Variants in CDCP1 observed in about 807,000 individuals in gnomAD.
CDCP1 encodes the protein CUB domain-containing protein 1.
CDCP1 carries 29 observed loss-of-function variants against 60.2 expected under a neutral mutation model. The observed-to-expected ratio is 0.48, with a 90% CI of 0.36 to 0.66. The LOEUF (loss-of-function observed/expected upper bound fraction) is 0.66, where lower values mean the gene tolerates loss of function less well. CDCP1 is among the 30% of genes least tolerant of loss of function. The pLI, the probability that CDCP1 is intolerant of heterozygous loss-of-function variation, is 0.00. For missense variants in CDCP1, 876 were observed against 1,074.3 expected, an observed-to-expected ratio of 0.82 and a Z score of 2.58; for synonymous variants, 387 against 431.1, an observed-to-expected ratio of 0.90 and a Z score of 1.27.
intron 4 of CDCP1, among the ~76,000 whole-genome samples, chr3:45,109,305 G>C (rs1698647933): frequency 6.6e-6 from 1 of 151,898 alleles, no homozygotes; most frequent in African/African-American, 2.4e-5. Flanking sequence ...CGTTTCCAGG[G>C]CAGCACCAGT....
intron 1 of CDCP1, among the ~76,000 whole-genome samples, chr3:45,121,217 G>A (rs897622520): frequency 1.3e-5 from 2 of 152,196 alleles, no homozygotes; most frequent in African/African-American, 4.8e-5. Context: ...GCTTGAGAGA[G>A]AATATATTCT....
Position 45,091,090 on chromosome 3 carries a change from G to C in CDCP1, c.1993+83C>G, listed in dbSNP as rs1033750219. On this transcript the variant is annotated intron_variant, in intron 7 of 8. Coordinates refer to ENST00000296129, the MANE Select transcript of CDCP1 (RefSeq NM_022842.5). This position sits in a 1 kb window ranked among gnomAD's most constrained non-coding sequence, Gnocchi z 4.8. The stretch of plus-strand genomic sequence containing the variant: ...CAGTCAGGACTCAATCTGTGATTCT[G>C]ACTTGTCTCCAGGCTTGCTCTCTAT... 2 of 1,466,186 alleles carry C rather than the reference G, an allele frequency of 1.4e-6. No homozygotes were observed. The highest frequency in any genetic ancestry group is 3.9e-5 in the Admixed American group (2 of 51,052). The allele number at this position is 1,466,186 out of a possible 1,614,324, so 90.8% of individuals were successfully genotyped here. A position where few individuals can be genotyped will look rare whatever the true frequency, so the allele number is the denominator to read the frequency against.
chr3:45,130,696 C>T (rs1244052987), intron 1 of CDCP1, among the ~76,000 whole-genome samples: 2 of 152,188 alleles, frequency 1.3e-5, no homozygotes, highest in African/African-American at 4.8e-5. Context: ...CCTGTTGGTC[C>T]TTCCTCATGA....
intron 1 of CDCP1, among the ~76,000 whole-genome samples, chr3:45,143,765 G>A (rs1260371523): frequency 6.6e-6 from 1 of 152,178 alleles, no homozygotes; most frequent in Non-Finnish European, 1.5e-5. Context: ...TAGATGAAAT[G>A]GCAGCATCTG....
chr3:45,144,617 AT>A (rs1352219876), intron 1 of CDCP1, among the ~76,000 whole-genome samples: 4 of 152,194 alleles, frequency 2.6e-5, no homozygotes, highest in African/African-American at 9.7e-5. Context: ...AGAGGCTCTC[AT>A]TATTAGCAAT....
In CDCP1 at chr3:45,110,493, T is replaced by G; in HGVS notation, c.1004A>C (p.Gln335Pro). Residue 335 changes from glutamine to proline, a missense_variant, in exon 4 of 9, where the codon CAA (glutamine) becomes CCA (proline). Physicochemically the swap from Gln to Pro is moderately conservative, Grantham distance 76 (BLOSUM62 -1). Transcript: ENST00000296129. ...ILRLQFQVLVQHPQNESNKIY... is the reference protein window; with the variant it reads ...ILRLQFQVLVPHPQNESNKIY... ...CTCACTGCTTTCATTTTGTGGATGTTGGACCAAAACTTGGAACTGCAGCCG... is the reference window on the plus strand; with the variant it reads ...CTCACTGCTTTCATTTTGTGGATGTGGGACCAAAACTTGGAACTGCAGCCG... 6.2e-7 allele frequency: 1 copy of G among 1,614,192 alleles called. No homozygotes were observed. The highest frequency in any genetic ancestry group is 8.5e-7 in the Non-Finnish European group (1 of 1,180,010).
intron 1 of CDCP1, among the ~76,000 whole-genome samples, chr3:45,144,272 A>T (rs1014559024): frequency 6.6e-6 from 1 of 152,152 alleles, no homozygotes; most frequent in East Asian, 1.9e-4. Context: ...AAACAAATCC[A>T]CTGTGCCAGG....
At chr3:45,112,501 ACTC>A in intron 2 of CDCP1, 56 bp from the exon 3 acceptor site, 2 of 1,568,120 alleles carry the variant, frequency 1.3e-6, no homozygotes, top group Non-Finnish European at 8.7e-7. Context: ...GCCCCACACC[ACTC>A]CTCCTCCACC....
At chr3:45,097,786 T>C (rs1400663636) in intron 4 of CDCP1, among the ~76,000 whole-genome samples, 1 of 152,216 alleles carries the variant, frequency 6.6e-6, no homozygotes, top group Non-Finnish European at 1.5e-5. Context: ...GGCTGTCATA[T>C]CTGTTAATTG....
Position 45,118,569 on chromosome 3 carries a change from C to G in CDCP1, c.135G>C (p.Lys45Asn). 1 of 1,614,102 alleles carries G rather than the reference C, an allele frequency of 6.2e-7. No homozygotes were observed. The part of the protein sequence containing the change: ...PRESNITVLI[K>N]LGTPTLLAKP... ...TTGCCAGCAGAGTCGGGGTCCCCAG[C>G]TTTATGAGAACTGTAATGTTGCTTT... The change falls in exon 2 of 9, where the codon AAG (lysine) becomes AAC (asparagine). Residue 45 changes from lysine to asparagine, a missense_variant. By Grantham distance (94) the Lys-to-Asn change is moderately conservative. Coordinates refer to ENST00000296129, the MANE Select transcript of CDCP1 (RefSeq NM_022842.5).
chr3:45,099,617 C>T (rs550636782), intron 4 of CDCP1, among the ~76,000 whole-genome samples: 3 of 152,082 alleles, frequency 2.0e-5, no homozygotes, highest in South Asian at 2.1e-4. Context: ...TCCATCTATC[C>T]GGATATTGGG....
chr3:45,130,065 A>C (rs1182298637), intron 1 of CDCP1, among the ~76,000 whole-genome samples: 2 of 138,736 alleles, frequency 1.4e-5, no homozygotes. Context: ...ACACACACAC[A>C]CCTAAAAATT....
chr3:45,096,395 C>T (rs559759591), intron 4 of CDCP1, among the ~76,000 whole-genome samples: 97 of 152,024 alleles, frequency 6.4e-4, no homozygotes, highest in African/African-American at 2.2e-3. Context: ...GAGGCCGAGG[C>T]GGGCAGATCA....
At chr3:45,096,809 G>C (rs977238369) in intron 4 of CDCP1, among the ~76,000 whole-genome samples, 2 of 152,088 alleles carry the variant, frequency 1.3e-5, no homozygotes, top group African/African-American at 4.8e-5. Flanking sequence ...AAAAGATCTG[G>C]AGAGAAATAT....
chr3:45,133,158 G>C (rs1279669980), intron 1 of CDCP1, among the ~76,000 whole-genome samples: 1 of 152,098 alleles, frequency 6.6e-6, no homozygotes, highest in Non-Finnish European at 1.5e-5. Flanking sequence ...AGCAGTGTTG[G>C]TTGAAAGCCA....
chr3:45,102,930 G>A (rs1172484936), intron 4 of CDCP1, among the ~76,000 whole-genome samples: 1 of 151,478 alleles, frequency 6.6e-6, no homozygotes, highest in Non-Finnish European at 1.5e-5. Context: ...CCAAAGCGTT[G>A]GGATTACAGG....
intron 1 of CDCP1, among the ~76,000 whole-genome samples, chr3:45,123,952 C>T (rs1178052804): frequency 6.6e-6 from 1 of 152,164 alleles, no homozygotes; most frequent in Non-Finnish European, 1.5e-5. Flanking sequence ...TTTGGAAAAG[C>T]TTACAAGGCA....
In CDCP1 at chr3:45,110,825, C is replaced by T. The variant is rs775361507; in HGVS notation, c.672G>A (p.Glu224=). 6.2e-7 allele frequency: 1 copy of T among 1,613,300 alleles called. No homozygotes were observed. The highest frequency in any genetic ancestry group is 1.3e-5 in the African/African-American group (1 of 75,030). ...CTGAGCCTTCACCCTCAAACACAGA[C>T]TCGATGATGCACAGACCTAGTGGGA... ...RSSIKRLCII[E]SVFEGEGSAT... Residue 224 remains glutamate (E), a synonymous_variant, in exon 4 of 9, where the codon GAG becomes GAA. Coordinates refer to ENST00000296129, the MANE Select transcript of CDCP1 (RefSeq NM_022842.5).
At chr3:45,134,229 A>G (rs569365480) in intron 1 of CDCP1, among the ~76,000 whole-genome samples, 4 of 151,424 alleles carry the variant, frequency 2.6e-5, no homozygotes, top group African/African-American at 9.7e-5. Context: ...GGTTCACATC[A>G]TTCTCCTGCC....
Sources: gnomAD v4.1 joint callset for allele counts (sites outside exome capture counted in the v4.1 genomes callset) on GRCh38, gnomAD v4.1.1 for gene constraint, Gnocchi (gnomAD v3.1) non-coding constraint, MANE v1.5 for transcripts, NCBI Gene and HGNC (gene_info 2026-07-23, HGNC 2026-07-21) for gene names.